Variants in RBM33 observed in about 807,000 individuals in gnomAD.
RBM33 encodes RNA binding motif protein 33, also known as RNA-binding protein 33.
Under a neutral mutation model 132.6 loss-of-function variants are expected in RBM33, and 28 were observed. The observed-to-expected ratio is 0.21, with a 90% confidence interval of 0.16 to 0.29. RBM33 has a LOEUF of 0.29. Among genes scored for constraint, RBM33 ranks in the 10% least tolerant of loss-of-function variants. RBM33 has a pLI of 1.00. For synonymous variants in RBM33, 634 were observed against 593.0 expected, an observed-to-expected ratio of 1.07 and a Z score of -1.01; for missense variants, 1,291 against 1,518.5, an observed-to-expected ratio of 0.85 and a Z score of 2.49.
chr7:155,724,268 C>T (rs911165352), intron 9 of RBM33, among the ~76,000 whole-genome samples: 8 of 152,146 alleles, frequency 5.3e-5, no homozygotes, highest in African/African-American at 1.9e-4. Context: ...ATTCTTCTGG[C>T]CAGCGCTCCC....
intron 4 of RBM33, among the ~76,000 whole-genome samples, chr7:155,679,865 A>G (rs1412812155): frequency 6.6e-6 from 1 of 152,176 alleles, no homozygotes; most frequent in African/African-American, 2.4e-5. Context: ...GATTTGCACG[A>G]TCTTACATGG....
chr7:155,677,541 C>T (rs1048288769), intron 3 of RBM33, among the ~76,000 whole-genome samples: 3 of 152,056 alleles, frequency 2.0e-5, no homozygotes, highest in South Asian at 2.1e-4. Flanking sequence ...TTAAGCAGTC[C>T]GTTTTGTTAT....
chr7:155,672,850 C>T lies in RBM33; in HGVS notation c.123-17C>T. On this transcript the variant is annotated splice_polypyrimidine_tract_variant and intron_variant, in intron 2 of 17. Transcript: ENST00000401878. The stretch of plus-strand genomic sequence containing the variant: ...TATGGGAATAATCATTGACATGTCT[C>T]TTTTTTTTCTCCCAAGTGAACTTGA... 6.5e-7 allele frequency: 1 copy of T among 1,529,234 alleles called. No homozygotes were observed. Among genetic ancestry groups the T allele is most frequent in the South Asian group, 1.2e-5 (1 of 82,552 alleles). 94.7% of individuals were successfully genotyped at this position (1,529,234 alleles called of 1,614,324 possible). A position where few individuals can be genotyped will look rare whatever the true frequency, so the allele number is the denominator to read the frequency against.
intron 1 of RBM33, among the ~76,000 whole-genome samples, chr7:155,657,636 T>C (rs1252889068): frequency 6.6e-6 from 1 of 152,158 alleles, no homozygotes; most frequent in Non-Finnish European, 1.5e-5. Flanking sequence ...GGCTCCCAAG[T>C]AGCTAGGGCA....
chr7:155,705,513 T>C (rs1800088105), intron 6 of RBM33, among the ~76,000 whole-genome samples: 1 of 152,100 alleles, frequency 6.6e-6, no homozygotes, highest in African/African-American at 2.4e-5. Context: ...TCAAGAAAAA[T>C]GTGACTTAGA....
Position 155,777,384 on chromosome 7 carries a change from AC to A in RBM33, c.*2344del, listed in dbSNP as rs1802649332. Reference sequence around the variant, plus strand: ...AAAGCGCTGATTAGAACAGTCCAACACAGTCCGACCTCACTCAATACCCACA... The same window carrying A: ...AAAGCGCTGATTAGAACAGTCCAACAAGTCCGACCTCACTCAATACCCACA... On this transcript the variant is annotated 3_prime_UTR_variant, in exon 18 of 18. Transcript: ENST00000401878. 1 of 152,236 alleles carries A rather than the reference AC, an allele frequency of 6.6e-6. No homozygotes were observed. Among genetic ancestry groups the A allele is most frequent in the Non-Finnish European group, 1.5e-5 (1 of 68,032 alleles). The allele number at this position is 152,236 out of a possible 1,614,324, so 9.4% of individuals were successfully genotyped here.
intron 5 of RBM33, among the ~76,000 whole-genome samples, chr7:155,698,427 C>T (rs1799861033): frequency 1.3e-5 from 2 of 151,992 alleles, no homozygotes; most frequent in African/African-American, 4.8e-5. Flanking sequence ...GTTTTCTAAA[C>T]CATATGGTGA....
chr7:155,728,421 C>T (rs1428521903), intron 9 of RBM33, among the ~76,000 whole-genome samples: 6 of 152,156 alleles, frequency 3.9e-5, no homozygotes, highest in African/African-American at 1.4e-4. Flanking sequence ...TGTACATACT[C>T]CAGGCTACAC....
At chr7:155,742,699 G>GATATAT (rs1327403790) in intron 13 of RBM33, among the ~76,000 whole-genome samples, 1 of 152,218 alleles carries the variant, frequency 6.6e-6, no homozygotes, top group Non-Finnish European at 1.5e-5. Flanking sequence ...GAAGTATGAT[G>GATATAT]ATATATGTTG....
intron 16 of RBM33, among the ~76,000 whole-genome samples, chr7:155,770,718 A>G (rs781648293): frequency 6.7e-6 from 1 of 148,676 alleles, no homozygotes; most frequent in African/African-American, 2.5e-5. Context: ...CATTTTAGTT[A>G]TCTTTATACA....
chr7:155,644,680 T>G lies in RBM33; in HGVS notation c.-197T>G. On this transcript the variant is annotated 5_prime_UTR_variant, in exon 1 of 18. An upstream start codon of the reference 5' UTR is lost. Coordinates refer to ENST00000401878, the MANE Select transcript of RBM33 (RefSeq NM_053043.3). ...CGCGGCGGGCGCGGGCGCGCGGCCATGTTGCGGTAGTTTGTTGTTTTCTTC... is the reference window on the plus strand; with the variant it reads ...CGCGGCGGGCGCGGGCGCGCGGCCAGGTTGCGGTAGTTTGTTGTTTTCTTC... 125 of 409,610 alleles carry G rather than the reference T, an allele frequency of 3.1e-4. No homozygotes were observed. The highest frequency in any genetic ancestry group is 4.5e-4 in the East Asian group (11 of 24,578). 25.4% of individuals were successfully genotyped at this position (409,610 alleles called of 1,614,324 possible). A position where few individuals can be genotyped will look rare whatever the true frequency, so the allele number is the denominator to read the frequency against.
intron 14 of RBM33, among the ~76,000 whole-genome samples, chr7:155,757,904 C>T (rs1042556946): frequency 1.2e-4 from 18 of 151,872 alleles, no homozygotes; most frequent in African/African-American, 4.4e-4. Context: ...GGGGCATGTG[C>T]CATGCACTCT....
chr7:155,775,016 T>G lies in RBM33; in HGVS notation c.3488T>G (p.Ile1163Arg). The change falls in exon 18 of 18, where the codon ATA becomes AGA. Residue 1163 changes from isoleucine to arginine, a missense_variant. By Grantham distance (97) the Ile-to-Arg change is moderately conservative (BLOSUM62 -3). Coordinates refer to ENST00000401878, the MANE Select transcript of RBM33 (RefSeq NM_053043.3). The part of the protein sequence containing the change: ...FHRHMIDLSH[I>R]NVALIVE ...AGGCATATGATAGATTTGTCCCACATAAATGTGGCCCTGATCGTGGAGTGA... is the reference window on the plus strand; with the variant it reads ...AGGCATATGATAGATTTGTCCCACAGAAATGTGGCCCTGATCGTGGAGTGA... 1 of 1,612,642 alleles carries G rather than the reference T, an allele frequency of 6.2e-7. No individual in the cohort carries two copies. The highest frequency in any genetic ancestry group is 8.5e-7 in the Non-Finnish European group (1 of 1,179,036).
chr7:155,668,243 CT>C (rs1451419346), intron 2 of RBM33, among the ~76,000 whole-genome samples: 1 of 151,998 alleles, frequency 6.6e-6, no homozygotes, highest in Non-Finnish European at 1.5e-5. Flanking sequence ...TGTCTGTGTG[CT>C]TTTTGATGGT....
At chr7:155,696,906 A>G (rs1193189899) in intron 5 of RBM33, among the ~76,000 whole-genome samples, 2 of 151,958 alleles carry the variant, frequency 1.3e-5, no homozygotes, top group African/African-American at 4.8e-5. Flanking sequence ...ATGTCTCCCA[A>G]TCTCAGTTTG....
chr7:155,673,754 A>ATGCG (rs1554469904), intron 3 of RBM33, among the ~76,000 whole-genome samples: 8 of 61,368 alleles, frequency 1.3e-4, no homozygotes, highest in African/African-American at 2.5e-4. Flanking sequence ...ACGTGTATAT[A>ATGCG]CGCGCGCATG....
At chr7:155,687,289 T>C (rs145911898) in intron 5 of RBM33, among the ~76,000 whole-genome samples, 2,477 of 152,366 alleles carry the variant, frequency 0.016, 60 homozygotes, top group African/African-American at 0.055. Flanking sequence ...TTTTGAGAAG[T>C]GTTTGTTCAT....
chr7:155,673,940 G>GTTGTTGTTTGTTTTTTTTTTTGTTTTT, intron 3 of RBM33, among the ~76,000 whole-genome samples: 1 of 54,214 alleles, frequency 1.8e-5, no homozygotes, highest in Admixed American at 2.6e-4. Flanking sequence ...TTTAGGCTTA[G>GTTGTTGTTTGTTTTTTTTTTTGTTTTT]TTTTTTTTTT....
intron 1 of RBM33, among the ~76,000 whole-genome samples, chr7:155,646,744 G>A (rs774097184): frequency 1.3e-5 from 2 of 152,108 alleles, no homozygotes; most frequent in Non-Finnish European, 1.5e-5. Flanking sequence ...TCTTCAGAAC[G>A]TTTATCTTAA....
Sources: allele counts gnomAD v4.1 joint callset (sites outside exome capture counted in the v4.1 genomes callset), GRCh38; gene constraint gnomAD v4.1.1; transcripts MANE v1.5; gene names NCBI Gene and HGNC (gene_info 2026-07-23, HGNC 2026-07-21).